The following APPBP2 variants were observed in gnomAD, a reference collection of about 807,000 sequenced individuals.
APPBP2 encodes amyloid beta precursor protein binding protein 2, also known as amyloid protein-binding protein 2.
Under a neutral mutation model 76.0 loss-of-function variants are expected in APPBP2, and 15 were observed. That is an observed-to-expected ratio of 0.20 (90% CI 0.13 to 0.30). The LOEUF (loss-of-function observed/expected upper bound fraction) is 0.30. Among genes scored for constraint, APPBP2 ranks in the 10% least tolerant of loss-of-function variants. The probability of loss-of-function intolerance (pLI) is 1.00; values close to 1 mark genes in which losing one functional copy is unlikely to be tolerated. For synonymous variants in APPBP2, 222 were observed against 242.2 expected (o/e 0.92, Z 0.77); for missense variants, 401 against 687.2 (o/e 0.58, Z 4.66).
chr17:60,491,811 T>A (rs762254937), intron 3 of APPBP2, among the ~76,000 whole-genome samples: 1 of 152,084 alleles, frequency 6.6e-6, no homozygotes, highest in African/African-American at 2.4e-5. Context: ...CAGGATGCGA[T>A]AGAAAAGAAA....
At chr17:60,510,717 G>A (rs970429181) in intron 1 of APPBP2, among the ~76,000 whole-genome samples, 8 of 151,664 alleles carry the variant, frequency 5.3e-5, no homozygotes, top group African/African-American at 7.3e-5. Context: ...TCCTGTTTCT[G>A]GGGAAAAAAA....
In APPBP2 at chr17:60,446,751, T is replaced by C. The variant is rs2090350355; in HGVS notation, c.*830A>G. Reference sequence around the variant, plus strand: ...TACATAATTTTTGCATTATCCTTTTTCATTATACATCTAAATGAAATCATT... The same window carrying C: ...TACATAATTTTTGCATTATCCTTTTCCATTATACATCTAAATGAAATCATT... On this transcript the variant is annotated 3_prime_UTR_variant, in exon 13 of 13. Transcript: ENST00000083182. 6.6e-6 allele frequency: 1 copy of C among 152,242 alleles called. No individual in the cohort carries two copies. The highest frequency in any genetic ancestry group is 2.1e-4 in the South Asian group (1 of 4,836). The allele number at this position is 152,242 out of a possible 1,614,324, so 9.4% of individuals were successfully genotyped here.
chr17:60,505,676 G>GTTTTTTTTTTTTTTTTTTTTT (rs1170935393), intron 1 of APPBP2, among the ~76,000 whole-genome samples: 1 of 85,716 alleles, frequency 1.2e-5, no homozygotes, highest in African/African-American at 7.7e-5. Flanking sequence ...GACCCCTGCG[G>GTTTTTTTTTTTTTTTTTTTTT]TTTTTTTTTT....
chr17:60,506,774 G>A (rs1322518919), intron 1 of APPBP2, among the ~76,000 whole-genome samples: 1 of 152,054 alleles, frequency 6.6e-6, no homozygotes, highest in Non-Finnish European at 1.5e-5. Flanking sequence ...GCGGTGGCTC[G>A]CGCCTGTAAT....
chr17:60,459,450 G>C (rs2090458811), intron 9 of APPBP2: 1 of 144,676 alleles, frequency 6.9e-6, no homozygotes, highest in African/African-American at 2.8e-5. Flanking sequence ...CTATTAATTA[G>C]ATAGATGTCC....
chr17:60,521,330 C>T (rs1182772364), intron 1 of APPBP2, among the ~76,000 whole-genome samples: 1 of 152,162 alleles, frequency 6.6e-6, no homozygotes, highest in Non-Finnish European at 1.5e-5. Flanking sequence ...AATTTATAGT[C>T]GTCTAAGTAT....
intron 1 of APPBP2, among the ~76,000 whole-genome samples, chr17:60,518,965 T>C (rs932818124): frequency 1.3e-5 from 2 of 152,164 alleles, no homozygotes; most frequent in Non-Finnish European, 2.9e-5. Flanking sequence ...CATTACCTTT[T>C]TCCCCCCCTT....
intron 3 of APPBP2, among the ~76,000 whole-genome samples, chr17:60,483,242 G>C (rs758378481): frequency 4.6e-5 from 7 of 152,108 alleles, no homozygotes; most frequent in Non-Finnish European, 7.3e-5. Flanking sequence ...AGAAGTGTCT[G>C]CTCATGTCCT....
chr17:60,477,366 T>C (rs2090598338), intron 4 of APPBP2: 1 of 152,242 alleles, frequency 6.6e-6, no homozygotes, highest in Non-Finnish European at 1.5e-5. Flanking sequence ...GTTTTATCTT[T>C]TGGTCAAGAT....
At chr17:60,515,720 T>C (rs951225901) in intron 1 of APPBP2, among the ~76,000 whole-genome samples, 3 of 152,238 alleles carry the variant, frequency 2.0e-5, no homozygotes, top group African/African-American at 4.8e-5. Context: ...CTGCTAGATA[T>C]TCTTAATTTG....
intron 8 of APPBP2, chr17:60,461,019 A>C: frequency 2.1e-5 from 5 of 241,670 alleles, no homozygotes; most frequent in East Asian, 8.2e-5. Context: ...AATAATAATA[A>C]TCATTCCTAT....
chr17:60,454,446 A>G lies in APPBP2; in HGVS notation c.1194T>C (p.Thr398=), dbSNP rs767654128. 13 of 1,607,408 alleles carry G rather than the reference A, an allele frequency of 8.1e-6. No homozygotes were observed. Among genetic ancestry groups the G allele is most frequent in the South Asian group, 5.6e-5 (5 of 89,228 alleles). Residue 398 remains threonine (T), a synonymous_variant, in exon 11 of 13, where the codon ACT becomes ACC. Coordinates refer to ENST00000083182, the MANE Select transcript of APPBP2 (RefSeq NM_006380.5). ...EIAIDCHNKE[T]EQRLLQEAHD... ...GAGCTTCTTGAAGCAGCCTCTGTTC[A>G]GTTTCCTTATTATGACAATCAATTG...
chr17:60,449,751 A>T (rs1050431732), intron 12 of APPBP2, among the ~76,000 whole-genome samples: 1 of 152,178 alleles, frequency 6.6e-6, no homozygotes, highest in Non-Finnish European at 1.5e-5. Context: ...TTTCCTGAAG[A>T]TAATTTTCTA....
intron 4 of APPBP2, among the ~76,000 whole-genome samples, chr17:60,470,318 T>A (rs1245102066): frequency 2.0e-5 from 3 of 152,128 alleles, no homozygotes; most frequent in African/African-American, 7.2e-5. Flanking sequence ...TGGAGTGCAG[T>A]TGCATGATCA....
chr17:60,487,862 A>T (rs1015888864), intron 3 of APPBP2, among the ~76,000 whole-genome samples: 16 of 152,146 alleles, frequency 1.1e-4, no homozygotes, highest in African/African-American at 3.9e-4. Flanking sequence ...GATGATGGTG[A>T]CCTACAGGTG....
intron 6 of APPBP2, chr17:60,462,283 ACAGT>A (rs1293107874): frequency 1.6e-5 from 8 of 491,316 alleles, no homozygotes; most frequent in African/African-American, 1.6e-4. Flanking sequence ...TAAAATTTTG[ACAGT>A]CAGTCCTAGT....
In APPBP2 at chr17:60,485,747, G is replaced by A. The variant is rs889696226; in HGVS notation, c.380-6476C>T. Among the ~76,000 whole-genome samples the A allele has an allele frequency of 1.1e-4, 16 of 152,114 alleles. 1 individual carries two copies. The highest frequency in any genetic ancestry group is 8.3e-4 in the South Asian group (4 of 4,826). ...TATTTCTTGCCTTCTGCTAGCTTTC[G>A]AACTTGTTTGCTCTTGCTTCTCTAG... On this transcript the variant is annotated intron_variant, in intron 3 of 12. Coordinates refer to ENST00000083182, the MANE Select transcript of APPBP2 (RefSeq NM_006380.5).
In APPBP2 at chr17:60,456,893, T is replaced by C. The variant is rs111951740; in HGVS notation, c.1062-512A>G. Among the ~76,000 whole-genome samples the C allele has an allele frequency of 6.0e-3, 919 of 152,088 alleles. 15 individuals are homozygous for C. Among genetic ancestry groups the C allele is most frequent in the African/African-American group, 0.02 (835 of 41,468 alleles). On this transcript the variant is annotated intron_variant, in intron 9 of 12. Transcript: ENST00000083182. ...GCTCATGCCTGTAATCCCAGCACTT[T>C]GGGAGGCTGAGGTGGGTGGATCACC...
intron 1 of APPBP2, among the ~76,000 whole-genome samples, chr17:60,517,727 T>C (rs1041436297): frequency 3.3e-5 from 5 of 152,200 alleles, no homozygotes; most frequent in Admixed American, 6.5e-5. Context: ...TTTTGATCCA[T>C]TGGTCTATTT....
Sources: allele counts gnomAD v4.1 joint callset (sites outside exome capture counted in the v4.1 genomes callset), GRCh38; gene constraint gnomAD v4.1.1; transcripts MANE v1.5; gene names NCBI Gene and HGNC (gene_info 2026-07-23, HGNC 2026-07-21).